ZFP90: variants seen among roughly 807,000 people sequenced by gnomAD.
ZFP90 encodes the protein zinc finger protein 90 homolog.
A neutral mutation model predicts 60.8 loss-of-function variants in ZFP90; 38 were observed. That is an observed-to-expected ratio of 0.62 (90% CI 0.48 to 0.82). The LOEUF (loss-of-function observed/expected upper bound fraction) is 0.82, where lower values mean the gene tolerates loss of function less well. Among genes scored for constraint, ZFP90 ranks in the 40% least tolerant of loss-of-function variants. The pLI, the probability that ZFP90 is intolerant of heterozygous loss-of-function variation, is 0.00. For missense variants in ZFP90, 711 were observed against 759.1 expected (o/e 0.94, Z 0.74); for synonymous variants, 287 against 264.8 (o/e 1.08, Z -0.82).
At position 68,562,718 on chromosome 16, in the gene ZFP90, G is replaced by C. The variant is rs976754233; in HGVS notation, c.257-326G>C. ...TATAAAAGGATAGGAGGCATGGAGA[G>C]CATATAGGATCCTAAGATGGGCTGT... On this transcript the variant is annotated intron_variant, in intron 4 of 4. Transcript: ENST00000563169. 41 of 484,298 alleles carry C rather than the reference G, an allele frequency of 8.5e-5. 1 individual carries two copies. Among genetic ancestry groups the C allele is most frequent in the Non-Finnish European group, 6.3e-5 (17 of 270,586 alleles). 30.0% of individuals were successfully genotyped at this position (484,298 alleles called of 1,614,324 possible). A position where few individuals can be genotyped will look rare whatever the true frequency, so the allele number is the denominator to read the frequency against.
chr16:68,566,031 G>A lies in ZFP90; in HGVS notation c.*1333G>A, dbSNP rs1473416546. ...CAGTGGTAGTCCCAGCTACTCAGGA[G>A]GCTGAGGTGGGAGGATCACTGGAAC... On this transcript the variant is annotated 3_prime_UTR_variant, in exon 5 of 5. Coordinates refer to ENST00000563169, the MANE Select transcript of ZFP90 (RefSeq NM_001305203.2). The A allele has an allele frequency of 2.4e-6, 2 of 842,698 alleles. No individual in the cohort carries two copies. The allele number at this position is 842,698 out of a possible 1,614,324, so 52.2% of individuals were successfully genotyped here.
downstream of ZFP90, among the ~76,000 whole-genome samples, chr16:68,569,967 A>AT (rs111439336): frequency 7.6e-3 from 1,126 of 147,974 alleles, 8 homozygotes; most frequent in Non-Finnish European, 0.011. Flanking sequence ...TCCTGCATTT[A>AT]TTTTTTTTTT....
intron 2 of ZFP90, among the ~76,000 whole-genome samples, chr16:68,551,611 G>T (rs761621767): frequency 6.6e-6 from 1 of 151,678 alleles, no homozygotes; most frequent in Non-Finnish European, 1.5e-5. Context: ...GTAGAGACAG[G>T]GTTTTGCCAG....
At chr16:68,556,570 G>C (rs898366737) in intron 2 of ZFP90, among the ~76,000 whole-genome samples, 1 of 152,154 alleles carries the variant, frequency 6.6e-6, no homozygotes, top group African/African-American at 2.4e-5. Flanking sequence ...ACTAGGTGCC[G>C]GGCGTTGTTC....
chr16:68,572,964 G>GAT (rs2091575669), intron 2 of ZFP90, among the ~76,000 whole-genome samples: 2 of 152,190 alleles, frequency 1.3e-5, no homozygotes, highest in Admixed American at 1.3e-4. Flanking sequence ...GGAAGGAAAG[G>GAT]ATAGGACCAC....
In ZFP90 at chr16:68,564,161, CT is replaced by C; in HGVS notation, c.1377del (p.Phe459LeufsTer55). The C allele has an allele frequency of 6.2e-7, 1 of 1,614,166 alleles. No homozygotes were observed. The highest frequency in any genetic ancestry group is 1.1e-5 in the South Asian group (1 of 91,088). On this transcript the variant is annotated frameshift_variant, in exon 5 of 5. Transcript: ENST00000563169. LOFTEE classifies it high-confidence loss of function. ...ACCATTGTAATGACTGTGGGGAAGA[CT>C]TTAGTCACATTACAGACTTTACTGA... is the stretch of plus-strand genomic sequence containing the variant. ...SYHCNDCGED[F>X]SHITDFTDHQ...
chr16:68,549,687 A>C (rs2091221677), intron 2 of ZFP90, among the ~76,000 whole-genome samples: 2 of 151,052 alleles, frequency 1.3e-5, no homozygotes, highest in Non-Finnish European at 3.0e-5. Context: ...TCAAAAAAAA[A>C]AAAAAAAAAA....
intron 2 of ZFP90, among the ~76,000 whole-genome samples, chr16:68,542,086 C>A (rs2091060442): frequency 1.3e-5 from 2 of 152,148 alleles, no homozygotes; most frequent in South Asian, 4.1e-4. Context: ...CTGAGCATGA[C>A]CCTCAGGGGA....
intron 2 of ZFP90, among the ~76,000 whole-genome samples, chr16:68,546,595 A>G (rs953353360): frequency 2.6e-5 from 4 of 152,174 alleles, no homozygotes; most frequent in Admixed American, 6.5e-5. Context: ...GGCTCACTGC[A>G]TCCTCAGCCT....
At position 68,564,117 on chromosome 16, in the gene ZFP90, C is replaced by G; in HGVS notation, c.1330C>G (p.Leu444Val). 6.2e-7 allele frequency: 1 copy of G among 1,614,164 alleles called. No homozygotes were observed. The highest frequency in any genetic ancestry group is 8.5e-7 in the Non-Finnish European group (1 of 1,180,018). ...STSLTQDEST[L>V]TEVKSYHCND... is the part of the protein sequence containing the mutation. ...ATCTCTCACTCAAGATGAAAGCACT[C>G]TTACCGAAGTGAAATCCTACCATTG... Residue 444 changes from leucine (L) to valine (V), a missense_variant, in exon 5 of 5, where the codon CTT becomes GTT. Leu to Val is a conservative substitution (Grantham distance 32). Transcript: ENST00000563169.
intron 3 of ZFP90, 63 bp downstream of exon 3, chr16:68,558,187 G>A (rs1409471144): frequency 1.1e-5 from 18 of 1,598,468 alleles, no homozygotes; most frequent in South Asian, 1.0e-4. Context: ...GGTTGCTATA[G>A]TGGTGGTGCC....
upstream of ZFP90, chr16:68,535,716 C>T (rs1293030225): frequency 6.6e-6 from 1 of 151,954 alleles, no homozygotes; most frequent in Non-Finnish European, 1.5e-5. Flanking sequence ...CAAATGATTC[C>T]CAGGTGAAAG....
intron 2 of ZFP90, among the ~76,000 whole-genome samples, chr16:68,572,631 C>T (rs1014523790): frequency 1.3e-5 from 2 of 152,014 alleles, no homozygotes; most frequent in African/African-American, 2.4e-5. Context: ...GGGATGAAGC[C>T]CCTACCCTGC....
rs2091502814 is a variant in ZFP90, at chr16:68,564,998, G to A, written c.*300G>A. 1.9e-6 allele frequency: 2 copies of A among 1,079,388 alleles called. No homozygotes were observed. The highest frequency in any genetic ancestry group is 4.2e-5 in the South Asian group (1 of 23,578). 66.9% of individuals were successfully genotyped at this position (1,079,388 alleles called of 1,614,324 possible). A position where few individuals can be genotyped will look rare whatever the true frequency, so the allele number is the denominator to read the frequency against. On this transcript the variant is annotated 3_prime_UTR_variant, in exon 5 of 5. Transcript: ENST00000563169. ...GGATATCATCAAGTTTCAACATCTT[G>A]ACTTGTGACCCCCAATGTCAACAGC...
chr16:68,572,868 G>T (rs547011183), intron 2 of ZFP90, among the ~76,000 whole-genome samples: 10 of 152,374 alleles, frequency 6.6e-5, no homozygotes, highest in African/African-American at 2.2e-4. Flanking sequence ...ACTGTCTGGA[G>T]ATTTCAGAAG....
At chr16:68,571,807 GAAAAA>G (rs2091569930), downstream of ZFP90, among the ~76,000 whole-genome samples, 1 of 35,220 alleles carries the variant, frequency 2.8e-5, no homozygotes, top group Non-Finnish European at 1.2e-4. Flanking sequence ...ATTGTTAAAA[GAAAAA>G]GTCTTGGCAC....
chr16:68,559,461 T>C (rs2091401080), intron 4 of ZFP90, among the ~76,000 whole-genome samples: 1 of 152,196 alleles, frequency 6.6e-6, no homozygotes, highest in African/African-American at 2.4e-5. Context: ...GTTTAGTCTT[T>C]TATTTCAACC....
chr16:68,535,324 C>G (rs992977846), upstream of ZFP90, among the ~76,000 whole-genome samples: 4 of 152,314 alleles, frequency 2.6e-5, no homozygotes, highest in South Asian at 8.3e-4. Context: ...CACCAACGCC[C>G]CTACTCATTG....
intron 2 of ZFP90, among the ~76,000 whole-genome samples, chr16:68,541,091 A>G (rs1003735271): frequency 6.6e-6 from 1 of 151,758 alleles, no homozygotes; most frequent in African/African-American, 2.4e-5. Context: ...GCTGAAGTGT[A>G]GTGGCATGAT....
Sources: gnomAD v4.1 joint callset for allele counts (sites outside exome capture counted in the v4.1 genomes callset) on GRCh38, gnomAD v4.1.1 for gene constraint, MANE v1.5 for transcripts, NCBI Gene and HGNC (gene_info 2026-07-23, HGNC 2026-07-21) for gene names.